The following KAZN variants were observed in gnomAD, a reference collection of about 807,000 sequenced individuals.
The protein encoded by KAZN is kazrin.
A neutral mutation model predicts 87.4 loss-of-function variants in KAZN; 40 were observed. The observed-to-expected ratio is 0.46, with a 90% CI of 0.36 to 0.60. The LOEUF (loss-of-function observed/expected upper bound fraction) is 0.60, where lower values mean the gene tolerates loss of function less well. Ranked by LOEUF, KAZN falls within the 20% of genes least tolerant of loss-of-function variation. The pLI is 0.00. For missense variants in KAZN, 898 were observed against 1,073.9 expected (o/e 0.84, Z 2.29); for synonymous variants, 466 against 458.3 (o/e 1.02, Z -0.22).
chr1:14,823,186 T>C (rs1646786088), intron 1 of KAZN, among the ~76,000 whole-genome samples: 1 of 152,204 alleles, frequency 6.6e-6, no homozygotes, highest in South Asian at 2.1e-4. Flanking sequence ...GGGCAGGCTC[T>C]GAATCCGGAT....
Position 14,218,897 on chromosome 1 carries a change from G to T in KAZN, c.249+38305G>T, listed in dbSNP as rs1289745532. Among the ~76,000 whole-genome samples, 3 of 13,840 alleles carry T rather than the reference G, an allele frequency of 2.2e-4. No individual in the cohort carries two copies. In the African/African-American group the frequency reaches 2.3e-3, roughly 11 times the overall value. The allele number at this position is 13,840 out of a possible 152,430, so 9.1% of individuals were successfully genotyped here. A position where few individuals can be genotyped will look rare whatever the true frequency, so the allele number is the denominator to read the frequency against. On this transcript the variant is annotated intron_variant, in intron 2 of 16. Coordinates refer to the KAZN transcript ENST00000636203. ...AACTCAGATAAATTAATAGATCTAG[G>T]CATTGTACATTTGCTGTTATCATAA... is the stretch of plus-strand genomic sequence containing the variant.
In KAZN at chr1:15,081,834, G is replaced by A. The variant is rs1287262461; in HGVS notation, c.1223-12346G>A. On this transcript the variant is annotated intron_variant, in intron 8 of 14. Coordinates refer to ENST00000376030, the MANE Select transcript of KAZN (RefSeq NM_201628.3). The surrounding 1 kb of genome is among the most constrained non-coding windows in gnomAD (Gnocchi z 4.1). ...AGAAGCTAAGGATGAAGCTGGCAAG[G>A]TCGGCCTGTGGGTCACAGCAAGGAC... 1.3e-5 allele frequency among the ~76,000 whole-genome samples: 2 copies of A among 152,138 alleles called. No individual in the cohort carries two copies. The highest frequency in any genetic ancestry group is 2.9e-5 in the Non-Finnish European group (2 of 68,014).
chr1:14,136,691 G>T (rs1407501749), intron 1 of KAZN, among the ~76,000 whole-genome samples: 2 of 152,168 alleles, frequency 1.3e-5, no homozygotes, highest in African/African-American at 4.8e-5. Flanking sequence ...TGGGAATGTG[G>T]CTTCTCCCCA....
intron 1 of KAZN, among the ~76,000 whole-genome samples, chr1:13,995,608 T>C (rs1344222251): frequency 6.6e-6 from 1 of 152,208 alleles, no homozygotes; most frequent in Non-Finnish European, 1.5e-5. Context: ...CCTAAATTGA[T>C]TTACAGATTT....
At chr1:14,874,403 T>C (rs1652510350) in intron 1 of KAZN, among the ~76,000 whole-genome samples, 1 of 152,206 alleles carries the variant, frequency 6.6e-6, no homozygotes, top group South Asian at 2.1e-4. Flanking sequence ...CTGGATTTAA[T>C]AATGTCATTG....
At chr1:14,590,398 C>T (rs913714875) in intron 2 of KAZN, among the ~76,000 whole-genome samples, 1 of 152,154 alleles carries the variant, frequency 6.6e-6, no homozygotes, top group African/African-American at 2.4e-5. Context: ...CAGAAGGTCT[C>T]TCACTGCCTC....
chr1:13,991,078 T>G (rs1242566193), intron 1 of KAZN, among the ~76,000 whole-genome samples: 1 of 152,092 alleles, frequency 6.6e-6, no homozygotes, highest in African/African-American at 2.4e-5. Context: ...AGCAGGTATA[T>G]TTAACGCATC....
At chr1:13,896,064 T>C (rs1313733041) in intron 1 of KAZN, among the ~76,000 whole-genome samples, 1 of 152,104 alleles carries the variant, frequency 6.6e-6, no homozygotes, top group African/African-American at 2.4e-5. Context: ...TGATCATAGC[T>C]CACTGCAACC....
Position 13,924,677 on chromosome 1 carries a change from C to T in KAZN, c.91+30921C>T, listed in dbSNP as rs577380487. Among the ~76,000 whole-genome samples the T allele has an allele frequency of 3.9e-5, 6 of 152,306 alleles. No individual in the cohort carries two copies. In the East Asian group the frequency reaches 1.2e-3, roughly 29 times the overall value. On this transcript the variant is annotated intron_variant, in intron 1 of 16. Transcript: ENST00000636203. ...TCTTATCTACCTATGACCTGGAAGC[C>T]CCCTACCCCACTTTGAGTCATCCAG...
At chr1:14,047,909 G>T (rs1642147759) in intron 1 of KAZN, among the ~76,000 whole-genome samples, 1 of 151,190 alleles carries the variant, frequency 6.6e-6, no homozygotes, top group South Asian at 2.1e-4. Context: ...AGGAAGGAAA[G>T]AAAGAAAGAA....
intron 1 of KAZN, among the ~76,000 whole-genome samples, chr1:14,772,311 C>T (rs144623867): frequency 0.015 from 2,328 of 152,140 alleles, 31 homozygotes; most frequent in South Asian, 0.066. Flanking sequence ...AGTAAGACCC[C>T]TGTCTCTATA....
chr1:14,783,569 C>T (rs1199635107), intron 1 of KAZN, among the ~76,000 whole-genome samples: 1 of 152,200 alleles, frequency 6.6e-6, no homozygotes, highest in Non-Finnish European at 1.5e-5. Flanking sequence ...AAGATATGCT[C>T]TCTGTCCTCA....
At chr1:14,528,964 C>T (rs1052747547) in intron 2 of KAZN, among the ~76,000 whole-genome samples, 1 of 152,082 alleles carries the variant, frequency 6.6e-6, no homozygotes, top group Non-Finnish European at 1.5e-5. Context: ...TCCCACCCCC[C>T]ATTCCAGTTA....
chr1:14,467,867 T>C (rs1366317166), intron 2 of KAZN, among the ~76,000 whole-genome samples: 3 of 152,098 alleles, frequency 2.0e-5, no homozygotes, highest in Non-Finnish European at 4.4e-5. Flanking sequence ...CGTAAGCTTC[T>C]TTTTCTCTAC....
At chr1:14,956,704 G>T (rs561753045) in intron 1 of KAZN, among the ~76,000 whole-genome samples, 1 of 152,132 alleles carries the variant, frequency 6.6e-6, no homozygotes, top group Non-Finnish European at 1.5e-5. Flanking sequence ...TTGTGAAATA[G>T]ACTCTTAGTG....
intron 2 of KAZN, among the ~76,000 whole-genome samples, chr1:14,343,806 A>G (rs1657910508): frequency 6.6e-6 from 1 of 152,226 alleles, no homozygotes; most frequent in Non-Finnish European, 1.5e-5. Flanking sequence ...TGAGGCACTT[A>G]ACATGAGCGG....
At chr1:14,849,436 A>T (rs1214781755) in intron 1 of KAZN, among the ~76,000 whole-genome samples, 1 of 152,228 alleles carries the variant, frequency 6.6e-6, no homozygotes, top group African/African-American at 2.4e-5. Context: ...GCACATTAAC[A>T]CAAAGGTTTC....
intron 1 of KAZN, among the ~76,000 whole-genome samples, chr1:14,037,924 T>C (rs1405949131): frequency 6.6e-6 from 1 of 152,154 alleles, no homozygotes; most frequent in East Asian, 1.9e-4. Flanking sequence ...CTGGTGCATA[T>C]GTAGAACCCT....
At chr1:14,557,809 A>G (rs1173695642) in intron 2 of KAZN, among the ~76,000 whole-genome samples, 1 of 152,126 alleles carries the variant, frequency 6.6e-6, no homozygotes, top group East Asian at 1.9e-4. Flanking sequence ...GAAGAGAGTG[A>G]TGGTGCATGT....
Sources: allele counts gnomAD v4.1 joint callset (sites outside exome capture counted in the v4.1 genomes callset), GRCh38; gene constraint gnomAD v4.1.1; non-coding constraint Gnocchi (gnomAD v3.1); transcripts MANE v1.5; gene names NCBI Gene and HGNC (gene_info 2026-07-23, HGNC 2026-07-21).